STK3: variants seen among roughly 807,000 people sequenced by gnomAD.
STK3 encodes serine/threonine kinase 3.
A neutral mutation model predicts 58.0 loss-of-function variants in STK3; 41 were observed. The observed-to-expected ratio is 0.71, with a 90% confidence interval of 0.55 to 0.92. The LOEUF (loss-of-function observed/expected upper bound fraction) is 0.92. STK3 is among the 40% of genes least tolerant of loss of function. The probability of loss-of-function intolerance (pLI) is 0.00; values close to 1 mark genes in which losing one functional copy is unlikely to be tolerated. For missense variants in STK3, 479 were observed against 602.7 expected (o/e 0.79, Z 2.15); for synonymous variants, 170 against 191.0 (o/e 0.89, Z 0.91).
intron 9 of STK3, among the ~76,000 whole-genome samples, chr8:98,528,048 T>C (rs1825877725): frequency 6.6e-6 from 1 of 152,196 alleles, no homozygotes; most frequent in Admixed American, 6.5e-5. Flanking sequence ...AAACTGATTA[T>C]TAGGTCTTTT....
chr8:98,481,721 GA>G (rs35610665), intron 10 of STK3, among the ~76,000 whole-genome samples: 1,854 of 83,062 alleles, frequency 0.022, 29 homozygotes, highest in African/African-American at 0.065. Context: ...TAAAGCTATT[GA>G]AAAAAAAAAA....
intron 9 of STK3, among the ~76,000 whole-genome samples, chr8:98,546,543 G>A (rs916146650): frequency 6.6e-6 from 1 of 152,104 alleles, no homozygotes; most frequent in Admixed American, 6.6e-5. Flanking sequence ...AATTATATCA[G>A]CTTATGGAAA....
chr8:98,714,343 CCT>C (rs538406085), intron 4 of STK3, among the ~76,000 whole-genome samples: 131 of 152,212 alleles, frequency 8.6e-4, no homozygotes, highest in South Asian at 1.5e-3. Flanking sequence ...TCAAATTGCC[CCT>C]GTCTGCAGAT....
intron 6 of STK3, among the ~76,000 whole-genome samples, chr8:98,668,988 C>CTTTTTTTTTTTTTTTTTTT (rs35407432): frequency 1.8e-5 from 2 of 111,130 alleles, no homozygotes; most frequent in South Asian, 2.9e-4. Flanking sequence ...TTAATCTTGT[C>CTTTTTTTTTTTTTTTTTTT]TTTTTTTTTT....
intron 10 of STK3, among the ~76,000 whole-genome samples, chr8:98,486,446 G>A (rs546412489): frequency 2.0e-5 from 3 of 152,306 alleles, no homozygotes; most frequent in South Asian, 2.1e-4. Context: ...ACTAAAGACC[G>A]TGTAAAAGTG....
At chr8:98,680,330 G>GA (rs1180751131) in intron 6 of STK3, among the ~76,000 whole-genome samples, 3 of 152,166 alleles carry the variant, frequency 2.0e-5, no homozygotes, top group South Asian at 4.1e-4. Context: ...AAGTGCCATG[G>GA]AAAAATAAAT....
intron 1 of STK3, among the ~76,000 whole-genome samples, chr8:98,940,521 C>A (rs1215521527): frequency 6.6e-6 from 1 of 152,170 alleles, no homozygotes; most frequent in South Asian, 2.1e-4. Flanking sequence ...AGGGTGCCTG[C>A]GGCTGGCTGG....
At chr8:98,472,519 T>G (rs534418978) in intron 10 of STK3, among the ~76,000 whole-genome samples, 1 of 152,280 alleles carries the variant, frequency 6.6e-6, no homozygotes, top group East Asian at 1.9e-4. Flanking sequence ...TTTACATACA[T>G]TGTATCACAT....
intron 4 of STK3, among the ~76,000 whole-genome samples, chr8:98,717,347 C>T (rs754039666): frequency 1.3e-5 from 2 of 151,882 alleles, no homozygotes; most frequent in African/African-American, 2.4e-5. Context: ...AAATCAAATT[C>T]AAAAATGGGT....
intron 1 of STK3, among the ~76,000 whole-genome samples, chr8:98,809,743 T>C (rs1360420909): frequency 6.6e-6 from 1 of 152,238 alleles, no homozygotes; most frequent in African/African-American, 2.4e-5. Context: ...CATCCGCTGG[T>C]GGACACGTGA....
At chr8:98,400,468 C>T (rs1817932035), downstream of STK3, among the ~76,000 whole-genome samples, 1 of 152,232 alleles carries the variant, frequency 6.6e-6, no homozygotes, top group South Asian at 2.1e-4. Flanking sequence ...CTGTCCTGAA[C>T]GTCTCAGCTC....
chr8:98,695,041 T>C (rs1046231389), intron 6 of STK3, among the ~76,000 whole-genome samples: 2 of 152,226 alleles, frequency 1.3e-5, no homozygotes, highest in Non-Finnish European at 2.9e-5. Flanking sequence ...ATGATTGCCA[T>C]TCTAACTGGT....
intron 1 of STK3, among the ~76,000 whole-genome samples, chr8:98,818,875 C>T (rs1045822509): frequency 3.9e-5 from 6 of 152,056 alleles, no homozygotes; most frequent in Non-Finnish European, 5.9e-5. Flanking sequence ...GGCTGGAGTT[C>T]GGTGGCGCAA....
At chr8:98,715,509 C>T (rs999278699) in intron 4 of STK3, among the ~76,000 whole-genome samples, 2 of 152,142 alleles carry the variant, frequency 1.3e-5, no homozygotes, top group African/African-American at 4.8e-5. Context: ...GACACTTATG[C>T]AGCCAAAAGA....
chr8:98,346,864 T>A, the STK3 span, among the ~76,000 whole-genome samples: 1 of 151,684 alleles, frequency 6.6e-6, no homozygotes, highest in South Asian at 2.1e-4. Context: ...CACAACAGAA[T>A]AAAGAACATT....
rs185434398 is a variant in STK3 at position 98,772,747 on chromosome 8, C to T, written c.107+1992G>A. ...TAAAACTGCGTGGCACCTCCCCTGCCCTATCTTGCTCCTGCTCTCACCATG... is the reference window on the plus strand; with the variant it reads ...TAAAACTGCGTGGCACCTCCCCTGCTCTATCTTGCTCCTGCTCTCACCATG... On this transcript the variant is annotated intron_variant, in intron 2 of 10. Coordinates refer to ENST00000419617, the MANE Select transcript of STK3 (RefSeq NM_006281.4). 3.5e-3 allele frequency among the ~76,000 whole-genome samples: 536 copies of T among 152,186 alleles called. 3 individuals are homozygous for T. Among genetic ancestry groups the T allele is most frequent in the African/African-American group, 0.012 (479 of 41,530 alleles).
the STK3 span, among the ~76,000 whole-genome samples, chr8:98,362,821 C>T: frequency 6.6e-6 from 1 of 152,224 alleles, no homozygotes; most frequent in African/African-American, 2.4e-5. Context: ...TCCTTAGCCA[C>T]ACCTCTTCCC....
rs141457801 is a variant in STK3 at position 98,925,110 on chromosome 8, C to A, written c.-79+17268G>T. Among the ~76,000 whole-genome samples, 738 of 152,306 alleles carry A rather than the reference C, an allele frequency of 4.8e-3. 8 individuals are homozygous for A. The highest frequency in any genetic ancestry group is 7.0e-3 in the Non-Finnish European group (478 of 68,018). On this transcript the variant is annotated intron_variant, in intron 1 of 1. Coordinates refer to the STK3 transcript ENST00000519420. Reference sequence around the variant, plus strand: ...AGTAACCACAAGAAGGTCAGATTGACCAGACAGAGTGGGTGCTTTGGGGCC... The same window carrying A: ...AGTAACCACAAGAAGGTCAGATTGAACAGACAGAGTGGGTGCTTTGGGGCC...
rs190747063 is a variant in STK3 at position 98,734,926 on chromosome 8, A to G, written c.351+14350T>C. ...TATGGTTAAAATTATCAAGATACAC[A>G]TTTTTAAAATTAAGCAAAAAATTAA... is the stretch of plus-strand genomic sequence containing the variant. On this transcript the variant is annotated intron_variant, in intron 4 of 10. Transcript: ENST00000419617. Among the ~76,000 whole-genome samples, 1,028 of 152,252 alleles carry G rather than the reference A, an allele frequency of 6.8e-3. 7 individuals are homozygous for G. Among genetic ancestry groups the G allele is most frequent in the African/African-American group, 0.023 (965 of 41,550 alleles).
Sources: gnomAD v4.1 joint callset for allele counts (sites outside exome capture counted in the v4.1 genomes callset) on GRCh38, gnomAD v4.1.1 for gene constraint, MANE v1.5 for transcripts, NCBI Gene and HGNC (gene_info 2026-07-23, HGNC 2026-07-21) for gene names.